Variants in RBM5 observed in about 807,000 individuals in gnomAD.
The protein encoded by RBM5 is RNA-binding protein 5.
In RBM5, 15 loss-of-function variants were observed where a neutral mutation model predicts 124.6. The observed-to-expected ratio is 0.12, with a 90% CI of 0.08 to 0.19. The LOEUF is 0.19. Ranked by LOEUF, RBM5 falls within the 10% of genes least tolerant of loss-of-function variation. RBM5 has a pLI of 1.00. For missense variants in RBM5, 580 were observed against 1,026.5 expected, an observed-to-expected ratio of 0.57 and a Z score of 5.94; for synonymous variants, 337 against 361.2, an observed-to-expected ratio of 0.93 and a Z score of 0.76.
At chr3:50,108,379 T>C (rs1207638013) in intron 14 of RBM5, 75 bp downstream of exon 14, 15 of 1,355,244 alleles carry the variant, frequency 1.1e-5, no homozygotes, top group Non-Finnish European at 1.5e-5. Context: ...ATGTCCTAAC[T>C]GGACCAAAAG....
At chr3:50,090,014 G>A (rs1331780478) in intron 1 of RBM5, 1 of 172,326 alleles carries the variant, frequency 5.8e-6, no homozygotes, top group African/African-American at 2.4e-5. Flanking sequence ...TGTTTTAACG[G>A]TCAACTATCC....
At chr3:50,103,905 T>C (rs373751171) in intron 7 of RBM5, among the ~76,000 whole-genome samples, 1 of 152,328 alleles carries the variant, frequency 6.6e-6, no homozygotes, top group East Asian at 1.9e-4. Context: ...CAGTGGTTAG[T>C]TTACCTTGTG....
rs938063592 is a variant in RBM5 at position 50,118,473 on chromosome 3, G to C, written c.*17G>C. On this transcript the variant is annotated 3_prime_UTR_variant, in exon 25 of 25. Coordinates refer to ENST00000347869, the MANE Select transcript of RBM5 (RefSeq NM_005778.4). ...ATGGAGTGAGAGAGAGAGAGAGAGAGAGATGACAAGGAGCACAAGAAGTGG... is the reference window on the plus strand; with the variant it reads ...ATGGAGTGAGAGAGAGAGAGAGAGACAGATGACAAGGAGCACAAGAAGTGG... 1 of 1,605,950 alleles carries C rather than the reference G, an allele frequency of 6.2e-7. No homozygotes were observed. The highest frequency in any genetic ancestry group is 1.1e-5 in the South Asian group (1 of 90,340).
intron 7 of RBM5, 98 bp from the exon 8 acceptor site, chr3:50,104,150 T>C: frequency 2.1e-6 from 2 of 952,182 alleles, no homozygotes; most frequent in Non-Finnish European, 3.3e-6. Context: ...TCTGCTTTTC[T>C]GTTAGTTACT....
In RBM5 at chr3:50,117,507, G is replaced by A. The variant is rs1263914220; in HGVS notation, c.2322+128G>A. 8.3e-6 allele frequency: 11 copies of A among 1,331,714 alleles called. No homozygotes were observed. The highest frequency in any genetic ancestry group is 1.0e-5 in the Non-Finnish European group (10 of 972,110). 82.5% of individuals were successfully genotyped at this position (1,331,714 alleles called of 1,614,324 possible). A position where few individuals can be genotyped will look rare whatever the true frequency, so the allele number is the denominator to read the frequency against. On this transcript the variant is annotated intron_variant, in intron 24 of 24. Transcript: ENST00000347869. The surrounding 1 kb of genome is among the most constrained non-coding windows in gnomAD (Gnocchi z 4.2). The stretch of plus-strand genomic sequence containing the variant: ...CTTAGCATGAAGGGGCAGATTACAG[G>A]CATGAGCTCACACCTGTAATCCCAG...
chr3:50,094,508 T>G (rs1486773490), intron 4 of RBM5, among the ~76,000 whole-genome samples: 1 of 152,142 alleles, frequency 6.6e-6, no homozygotes, highest in African/African-American at 2.4e-5. Context: ...TTGTTTCTGT[T>G]TTTTACAGGC....
At chr3:50,113,314 G>T in intron 17 of RBM5, 69 bp from the exon 18 acceptor site, 1 of 1,485,966 alleles carries the variant, frequency 6.7e-7, no homozygotes, top group Non-Finnish European at 9.1e-7. Flanking sequence ...TCTTTTTTTT[G>T]ACAAAATATG....
At position 50,117,361 on chromosome 3, in the gene RBM5, C is replaced by T; in HGVS notation, c.2304C>T (p.Gly768=). The change falls in exon 24 of 25, where the codon GGC becomes GGT. Residue 768 remains glycine (G), a synonymous_variant. Transcript: ENST00000347869. This position sits in a 1 kb window ranked among gnomAD's most constrained non-coding sequence, Gnocchi z 4.2. ...CTGGCTTGGGACGAAAGTGTCAAGG[C>T]ATTACGGCTCCCATTGAGGTAAGCA... ...EGSGLGRKCQ[G]ITAPIEAQVR... 1.2e-6 allele frequency: 2 copies of T among 1,614,116 alleles called. No individual in the cohort carries two copies. The highest frequency in any genetic ancestry group is 1.7e-6 in the Non-Finnish European group (2 of 1,180,036).
intron 4 of RBM5, among the ~76,000 whole-genome samples, chr3:50,095,177 G>A (rs1330413962): frequency 6.6e-6 from 1 of 152,056 alleles, no homozygotes; most frequent in Non-Finnish European, 1.5e-5. Context: ...CTCCAGCCTG[G>A]GTGACAGAAC....
intron 12 of RBM5, 98 bp downstream of exon 12, chr3:50,107,667 CTTTTCTTTTTTTTT>C: frequency 7.4e-6 from 1 of 135,168 alleles, no homozygotes; most frequent in African/African-American, 5.6e-5. Context: ...GAGCTCTTTT[CTTTTCTTTTTTTTT>C]TTTTTTTTTT....
At chr3:50,092,285 G>A in intron 3 of RBM5, 77 bp downstream of exon 3, 1 of 1,471,996 alleles carries the variant, frequency 6.8e-7, no homozygotes, top group Non-Finnish European at 9.2e-7. Context: ...CAGGCAGCCA[G>A]GTCCAGTGGC....
intron 8 of RBM5, 55 bp from the exon 9 acceptor site, chr3:50,105,022 C>A: frequency 1.6e-6 from 2 of 1,270,338 alleles, no homozygotes; most frequent in Non-Finnish European, 2.3e-6. Flanking sequence ...TAATGTATTT[C>A]TTTGGTGAAA....
intron 3 of RBM5, 44 bp downstream of exon 3, chr3:50,092,252 C>G: frequency 6.3e-7 from 1 of 1,582,958 alleles, no homozygotes; most frequent in Non-Finnish European, 8.6e-7. Context: ...CACTCTGAGC[C>G]TTATAGTAAT....
Position 50,108,242 on chromosome 3 carries a change from A to T in RBM5, c.1130A>T (p.Asp377Val). 2 of 1,613,206 alleles carry T rather than the reference A, an allele frequency of 1.2e-6. No homozygotes were observed. Among genetic ancestry groups the T allele is most frequent in the Non-Finnish European group, 1.7e-6 (2 of 1,179,136 alleles). Reference sequence around the variant, plus strand: ...TGGACTTTTCTTCAGTATTCACAGGATTATCAGCAGTTTTATCAACAACAA... The same window carrying T: ...TGGACTTTTCTTCAGTATTCACAGGTTTATCAGCAGTTTTATCAACAACAA... Reference protein sequence around the residue: ...GYAQYAQYSQDYQQFYQQQAG... With the variant: ...GYAQYAQYSQVYQQFYQQQAG... The change falls in exon 14 of 25, where the codon GAT becomes GTT. Residue 377 changes from aspartate (D) to valine (V), a missense_variant. Around this residue, in one of 6 missense-constraint regions of RBM5, gnomAD observed 104 missense variants for 128.7 expected, o/e 0.81. Coordinates refer to ENST00000347869, the MANE Select transcript of RBM5 (RefSeq NM_005778.4).
intron 2 of RBM5, among the ~76,000 whole-genome samples, chr3:50,090,779 G>C (rs889720333): frequency 6.6e-6 from 1 of 152,228 alleles, no homozygotes; most frequent in Non-Finnish European, 1.5e-5. Flanking sequence ...GGGCAGGGTA[G>C]AGTGGGTCAC....
chr3:50,106,613 G>A, intron 10 of RBM5, 154 bp from the exon 11 acceptor site: 1 of 607,842 alleles, frequency 1.6e-6, no homozygotes, highest in South Asian at 2.0e-5. Flanking sequence ...AGGAAAGAGA[G>A]ATATTCCTTT....
At position 50,114,098 on chromosome 3, in the gene RBM5, A is replaced by C. The variant is rs2091195993; in HGVS notation, c.1766A>C (p.Lys589Thr). 1.2e-6 allele frequency: 2 copies of C among 1,614,184 alleles called. No homozygotes were observed. Among genetic ancestry groups the C allele is most frequent in the East Asian group, 4.5e-5 (2 of 44,886 alleles). Residue 589 changes from lysine to threonine, a missense_variant and splice_region_variant, in exon 19 of 25, where the codon AAG (lysine) becomes ACG (threonine). Coordinates refer to ENST00000347869, the MANE Select transcript of RBM5 (RefSeq NM_005778.4). ...ADAGFALFEK[K>T]GALAERQQLI... is the part of the protein sequence containing the mutation. ...GCTGGCTTTGCTCTCTTTGAGAAGA[A>C]GGTAATAGCAGGAATGGCCAGTATG...
rs1014961851 is a variant in RBM5, at chr3:50,118,580, T to C, written c.*124T>C. Reference sequence around the variant, plus strand: ...TTAATAGATCTTAGGGTGAACCACTTCATTCTGCAGGGTTCTCCCTCCCAC... The same window carrying C: ...TTAATAGATCTTAGGGTGAACCACTCCATTCTGCAGGGTTCTCCCTCCCAC... On this transcript the variant is annotated 3_prime_UTR_variant, in exon 25 of 25. Coordinates refer to ENST00000347869, the MANE Select transcript of RBM5 (RefSeq NM_005778.4). 11 of 1,382,512 alleles carry C rather than the reference T, an allele frequency of 8.0e-6. No individual in the cohort carries two copies. Among genetic ancestry groups the C allele is most frequent in the African/African-American group, 1.4e-5 (1 of 69,948 alleles). 85.6% of individuals were successfully genotyped at this position (1,382,512 alleles called of 1,614,324 possible).
At chr3:50,095,747 C>A (rs948343148) in intron 4 of RBM5, among the ~76,000 whole-genome samples, 1 of 152,060 alleles carries the variant, frequency 6.6e-6, no homozygotes, top group Non-Finnish European at 1.5e-5. Flanking sequence ...CATGTCTCAT[C>A]TCTACCACAA....
Sources: allele counts gnomAD v4.1 joint callset (sites outside exome capture counted in the v4.1 genomes callset), GRCh38; gene constraint gnomAD v4.1.1; regional missense constraint gnomAD v4.1.1; non-coding constraint Gnocchi (gnomAD v3.1); transcripts MANE v1.5; gene names NCBI Gene and HGNC (gene_info 2026-07-23, HGNC 2026-07-21).